The following CACNB2 variants were observed in gnomAD, a reference collection of about 807,000 sequenced individuals.
CACNB2 encodes voltage-dependent L-type calcium channel subunit beta-2.
CACNB2 carries 42 observed loss-of-function variants against 73.3 expected under a neutral mutation model. The ratio of observed to expected loss-of-function variants is 0.57; its 90% CI spans 0.45 to 0.74. CACNB2 has a LOEUF of 0.74. Ranked by LOEUF, CACNB2 falls within the 30% of genes least tolerant of loss-of-function variation. The pLI, the probability that CACNB2 is intolerant of heterozygous loss-of-function variation, is 0.00. For synonymous variants in CACNB2, 348 were observed against 310.3 expected, an observed-to-expected ratio of 1.12 and a Z score of -1.28; for missense variants, 940 against 853.0, an observed-to-expected ratio of 1.10 and a Z score of -1.27.
In CACNB2 at chr10:18,498,352, T is replaced by C. The variant is rs1337238491; in HGVS notation, c.334-3T>C. The C allele has an allele frequency of 5.6e-6, 9 of 1,614,156 alleles. No homozygotes were observed. The highest frequency in any genetic ancestry group is 4.5e-5 in the East Asian group (2 of 44,868). ...TTTTTCCCTCTTCCTTTTCCCACTTTAGACAAAGCCCGTTGCATTTGCGGT... is the reference window on the plus strand; with the variant it reads ...TTTTTCCCTCTTCCTTTTCCCACTTCAGACAAAGCCCGTTGCATTTGCGGT... On this transcript the variant is annotated splice_region_variant and splice_polypyrimidine_tract_variant and intron_variant, in intron 3 of 13. Coordinates refer to ENST00000324631, the MANE Select transcript of CACNB2 (RefSeq NM_201596.3).
At position 18,534,077 on chromosome 10, in the gene CACNB2, G is replaced by A. The variant is rs730880058; in HGVS notation, c.1056G>A (p.Ala352=). 1.5e-5 allele frequency: 25 copies of A among 1,613,800 alleles called. No homozygotes were observed. The highest frequency in any genetic ancestry group is 2.2e-5 in the East Asian group (1 of 44,872). The change falls in exon 11 of 14, where the codon GCG becomes GCA. Residue 352 remains alanine (A), a splice_region_variant and synonymous_variant. Transcript: ENST00000324631. ...IERSNTRSSL[A]EVQSEIERIF... is the part of the protein sequence containing the mutation. The stretch of plus-strand genomic sequence containing the variant: ...ACTGAATTGTTTCGCCCTTTACAGC[G>A]GAAGTTCAGAGTGAAATCGAAAGGA...
chr10:18,151,541 G>T (rs1177689614), intron 2 of CACNB2, among the ~76,000 whole-genome samples: 1 of 152,114 alleles, frequency 6.6e-6, no homozygotes, highest in Non-Finnish European at 1.5e-5. Context: ...AAGCAGCCTG[G>T]AACAGTCCCC....
At chr10:18,202,099 T>A (rs1419950031) in intron 2 of CACNB2, among the ~76,000 whole-genome samples, 1 of 152,278 alleles carries the variant, frequency 6.6e-6, no homozygotes, top group East Asian at 1.9e-4. Flanking sequence ...TTGGTGGTAG[T>A]TTGATTAGAG....
At chr10:18,456,112 T>C (rs936831091) in intron 3 of CACNB2, among the ~76,000 whole-genome samples, 5 of 152,214 alleles carry the variant, frequency 3.3e-5, no homozygotes, top group Non-Finnish European at 7.3e-5. Flanking sequence ...TTTAATGGAA[T>C]CTTTACTTTC....
At chr10:18,316,610 C>A (rs763338762) in intron 2 of CACNB2, among the ~76,000 whole-genome samples, 1 of 151,958 alleles carries the variant, frequency 6.6e-6, no homozygotes, top group African/African-American at 2.4e-5. Context: ...ACTACAGATA[C>A]ATGGCACTAT....
intron 6 of CACNB2, chr10:18,513,525 CT>C (rs1193376503): frequency 5.1e-6 from 2 of 394,716 alleles, no homozygotes; most frequent in Non-Finnish European, 1.0e-5. Context: ...CACCACCGCA[CT>C]GTACGTTCAT....
intron 2 of CACNB2, among the ~76,000 whole-genome samples, chr10:18,263,770 G>C (rs1027259448): frequency 2.0e-5 from 3 of 152,166 alleles, no homozygotes; most frequent in Non-Finnish European, 4.4e-5. Flanking sequence ...CCGCTCACTT[G>C]TTTAACGTTA....
intron 2 of CACNB2, among the ~76,000 whole-genome samples, chr10:18,263,694 C>T (rs180714831): frequency 6.8e-4 from 103 of 152,276 alleles, no homozygotes; most frequent in African/African-American, 2.3e-3. Context: ...AAGTTATACT[C>T]ATATGCCATA....
At chr10:18,390,732 T>C (rs1045176712) in intron 2 of CACNB2, among the ~76,000 whole-genome samples, 20 of 152,232 alleles carry the variant, frequency 1.3e-4, no homozygotes, top group African/African-American at 3.9e-4. Context: ...TCTATAGGAA[T>C]GTCAGGGGTA....
At chr10:18,497,035 A>G (rs2049874399) in intron 3 of CACNB2, among the ~76,000 whole-genome samples, 1 of 150,642 alleles carries the variant, frequency 6.6e-6, no homozygotes, top group African/African-American at 2.4e-5. Flanking sequence ...ACACAGTGAA[A>G]CCCTGTCTCT....
intron 2 of CACNB2, among the ~76,000 whole-genome samples, chr10:18,248,118 C>G (rs759706851): frequency 1.8e-4 from 27 of 152,144 alleles, no homozygotes; most frequent in Non-Finnish European, 3.1e-4. Flanking sequence ...ACAGTACCTA[C>G]CAAACTAGAA....
At chr10:18,184,042 C>T (rs2034025405) in intron 2 of CACNB2, among the ~76,000 whole-genome samples, 1 of 152,152 alleles carries the variant, frequency 6.6e-6, no homozygotes, top group African/African-American at 2.4e-5. Flanking sequence ...AAAACAGTGC[C>T]CAGCCAAGGT....
At chr10:18,494,030 G>A (rs1156786520) in intron 3 of CACNB2, among the ~76,000 whole-genome samples, 2 of 152,274 alleles carry the variant, frequency 1.3e-5, no homozygotes, top group African/African-American at 4.8e-5. Context: ...TCTAATGGTA[G>A]CATCATTGGT....
At chr10:18,240,053 T>A (rs77624100) in intron 2 of CACNB2, among the ~76,000 whole-genome samples, 1,676 of 152,290 alleles carry the variant, frequency 0.011, 14 homozygotes, top group Non-Finnish European at 0.019. Flanking sequence ...AAAACTTTTT[T>A]AAAAATCTTC....
chr10:18,267,785 C>T (rs1283504784), intron 2 of CACNB2, among the ~76,000 whole-genome samples: 9 of 152,140 alleles, frequency 5.9e-5, no homozygotes, highest in African/African-American at 2.2e-4. Context: ...TTAGCATCTC[C>T]CAGCACAGCC....
intron 3 of CACNB2, among the ~76,000 whole-genome samples, chr10:18,467,465 A>G (rs1427667062): frequency 2.0e-5 from 3 of 152,224 alleles, no homozygotes; most frequent in Non-Finnish European, 4.4e-5. Flanking sequence ...TCCTACCTCA[A>G]AAAGCTTGCA....
intron 2 of CACNB2, among the ~76,000 whole-genome samples, chr10:18,193,534 T>C (rs909611365): frequency 2.0e-5 from 3 of 152,236 alleles, no homozygotes; most frequent in Admixed American, 6.5e-5. Context: ...GGAGATAGAT[T>C]CCAGAAGGGC....
chr10:18,166,676 C>T (rs2032875750), intron 2 of CACNB2, among the ~76,000 whole-genome samples: 3 of 152,034 alleles, frequency 2.0e-5, no homozygotes, highest in Non-Finnish European at 4.4e-5. Flanking sequence ...GAGTAAAAAC[C>T]ACTGAGGGCC....
At chr10:18,217,774 A>G (rs1171917463) in intron 2 of CACNB2, among the ~76,000 whole-genome samples, 2 of 151,882 alleles carry the variant, frequency 1.3e-5, no homozygotes, top group Non-Finnish European at 1.5e-5. Flanking sequence ...TACCAAGGCC[A>G]GTGTAGCTGG....
Sources: allele counts gnomAD v4.1 joint callset (sites outside exome capture counted in the v4.1 genomes callset), GRCh38; gene constraint gnomAD v4.1.1; transcripts MANE v1.5; gene names NCBI Gene and HGNC (gene_info 2026-07-23, HGNC 2026-07-21).